The following FOXP1 variants were observed in gnomAD, a reference collection of about 807,000 sequenced individuals.
FOXP1 encodes the protein forkhead box protein P1.
In FOXP1, 15 loss-of-function variants were observed where a neutral mutation model predicts 98.2. The observed-to-expected ratio is 0.15, with a 90% CI of 0.10 to 0.24. The LOEUF (loss-of-function observed/expected upper bound fraction) is 0.24, where lower values mean the gene tolerates loss of function less well. Ranked by LOEUF, FOXP1 falls within the 10% of genes least tolerant of loss-of-function variation. The pLI is 1.00. For synonymous variants in FOXP1, 371 were observed against 314.5 expected (o/e 1.18, Z -1.90); for missense variants, 633 against 848.5 (o/e 0.75, Z 3.15).
rs561534119 is a variant in FOXP1, at chr3:71,554,037, AAT to A, written c.-298+27510_-298+27511del. Among the ~76,000 whole-genome samples the A allele has an allele frequency of 1.7e-3, 256 of 152,312 alleles. 1 individual carries two copies. Among genetic ancestry groups the A allele is most frequent in the Middle Eastern group, 0.014 (4 of 294 alleles). ...ATCTAGTAAAACCAGTTTTTACCAC[AAT>A]ATGTTCTCCACCAAAATTCAAATTT... On this transcript the variant is annotated intron_variant, in intron 2 of 20. Transcript: ENST00000649528.
At chr3:71,529,585 C>A (rs987990965) in intron 2 of FOXP1, among the ~76,000 whole-genome samples, 2 of 152,208 alleles carry the variant, frequency 1.3e-5, no homozygotes, top group African/African-American at 4.8e-5. Flanking sequence ...CAAGTTCTGA[C>A]TTCCAGAGAG....
At chr3:71,106,822 G>A (rs2057480453) in intron 7 of FOXP1, among the ~76,000 whole-genome samples, 1 of 149,982 alleles carries the variant, frequency 6.7e-6, no homozygotes, top group South Asian at 2.1e-4. Flanking sequence ...TTCCCAGGCT[G>A]GAATGCGGTG....
At chr3:71,567,006 C>T (rs1290992447) in intron 2 of FOXP1, among the ~76,000 whole-genome samples, 1 of 152,118 alleles carries the variant, frequency 6.6e-6, no homozygotes, top group East Asian at 1.9e-4. Context: ...AAAACTGCTG[C>T]ATACCATTGT....
chr3:71,271,794 A>G (rs2107304649), intron 5 of FOXP1, among the ~76,000 whole-genome samples: 1 of 152,348 alleles, frequency 6.6e-6, no homozygotes, highest in Middle Eastern at 3.4e-3. Context: ...CCTTACAGGG[A>G]GAAACTCATA....
intron 4 of FOXP1, among the ~76,000 whole-genome samples, chr3:71,342,538 C>A (rs939630315): frequency 3.3e-5 from 5 of 151,980 alleles, no homozygotes; most frequent in Admixed American, 2.0e-4. Flanking sequence ...ACTAAAAATA[C>A]AAAAATTAGC....
At chr3:71,476,299 C>CTT (rs764472343) in intron 3 of FOXP1, among the ~76,000 whole-genome samples, 6 of 144,724 alleles carry the variant, frequency 4.1e-5, no homozygotes, top group African/African-American at 5.1e-5. Flanking sequence ...TCATCAAGTT[C>CTT]TTTTTTTTTT....
At chr3:71,077,980 G>A (rs775435522) in intron 7 of FOXP1, among the ~76,000 whole-genome samples, 5 of 152,038 alleles carry the variant, frequency 3.3e-5, no homozygotes, top group African/African-American at 7.2e-5. Flanking sequence ...TTATAGGCAC[G>A]CGCCATCACG....
intron 14 of FOXP1, among the ~76,000 whole-genome samples, chr3:70,981,640 C>CTAAAATTG (rs1229263207): frequency 6.6e-6 from 1 of 152,138 alleles, no homozygotes; most frequent in Non-Finnish European, 1.5e-5. Flanking sequence ...ATGAGGTAAA[C>CTAAAATTG]TAATTAAAAG....
chr3:71,397,672 T>A (rs752857772), intron 3 of FOXP1, among the ~76,000 whole-genome samples: 4 of 152,212 alleles, frequency 2.6e-5, no homozygotes, highest in Non-Finnish European at 5.9e-5. Flanking sequence ...GAGGACCCCA[T>A]ATTTTCAGCT....
chr3:71,047,102 G>C lies in FOXP1; in HGVS notation c.511-7C>G. The C allele has an allele frequency of 6.2e-7, 1 of 1,613,922 alleles. No homozygotes were observed. Among genetic ancestry groups the C allele is most frequent in the Non-Finnish European group, 8.5e-7 (1 of 1,179,884 alleles). On this transcript the variant is annotated splice_region_variant and splice_polypyrimidine_tract_variant and intron_variant, in intron 9 of 20. Transcript: ENST00000649528. ...GGGTAGCCACCTGCTGTTGCTGTAA[G>C]AAATCAGGAAGAAAAAATGAGATGG...
chr3:71,556,657 G>T (rs2046162147), intron 2 of FOXP1, among the ~76,000 whole-genome samples: 1 of 146,164 alleles, frequency 6.8e-6, no homozygotes, highest in South Asian at 2.2e-4. Flanking sequence ...AGTGGAAACT[G>T]CCATAGTCTT....
chr3:71,077,115 G>C (rs1288972), intron 7 of FOXP1, among the ~76,000 whole-genome samples: 79,895 of 152,124 alleles, frequency 0.53, 26,212 homozygotes, highest in Non-Finnish European at 0.73. Flanking sequence ...AGCTTGAAGA[G>C]AGCTCACATC....
chr3:71,182,052 G>GAAA (rs765407626), intron 6 of FOXP1, among the ~76,000 whole-genome samples: 6 of 96,026 alleles, frequency 6.2e-5, no homozygotes, highest in Middle Eastern at 6.9e-3. Context: ...AGAAAAAAAA[G>GAAA]AAAAAAAAAG....
At chr3:71,448,959 A>T (rs1483724039) in intron 3 of FOXP1, among the ~76,000 whole-genome samples, 1 of 152,214 alleles carries the variant, frequency 6.6e-6, no homozygotes. Flanking sequence ...GCTAATGTCA[A>T]ACCCTAGCTC....
intron 4 of FOXP1, among the ~76,000 whole-genome samples, chr3:71,348,270 G>T (rs1179552509): frequency 1.3e-5 from 2 of 152,054 alleles, no homozygotes. Flanking sequence ...CGTAGAACTA[G>T]AACACAGCAA....
intron 4 of FOXP1, chr3:71,329,809 C>T (rs2076190298): frequency 6.6e-6 from 1 of 152,064 alleles, no homozygotes; most frequent in Admixed American, 6.6e-5. Context: ...CATACATGTT[C>T]CAAAACAGTA....
intron 2 of FOXP1, among the ~76,000 whole-genome samples, chr3:71,569,712 T>C (rs1346725651): frequency 6.6e-6 from 1 of 152,018 alleles, no homozygotes; most frequent in Non-Finnish European, 1.5e-5. Flanking sequence ...TTCACAAGTG[T>C]ATGTAAATAC....
At chr3:71,276,226 G>T (rs1044900276) in intron 5 of FOXP1, 13 of 152,200 alleles carry the variant, frequency 8.5e-5, no homozygotes, top group Middle Eastern at 3.4e-3. Context: ...TCTCTGCATG[G>T]TCTTCAGTAA....
At chr3:70,962,341 C>A (rs1045297099) in intron 20 of FOXP1, among the ~76,000 whole-genome samples, 1 of 152,136 alleles carries the variant, frequency 6.6e-6, no homozygotes, top group Admixed American at 6.5e-5. Flanking sequence ...TGTTGATTTA[C>A]CTCCTTAGGA....
Sources: allele counts gnomAD v4.1 joint callset (sites outside exome capture counted in the v4.1 genomes callset), GRCh38; gene constraint gnomAD v4.1.1; transcripts MANE v1.5; gene names NCBI Gene and HGNC (gene_info 2026-07-23, HGNC 2026-07-21).